LHCGR: variants seen among roughly 807,000 people sequenced by gnomAD.
LHCGR encodes luteinizing hormone/choriogonadotropin receptor.
A neutral mutation model predicts 60.7 loss-of-function variants in LHCGR; 55 were observed. That is an observed-to-expected ratio of 0.91 (90% confidence interval 0.73 to 1.13). The LOEUF (loss-of-function observed/expected upper bound fraction) is 1.13, where lower values mean the gene tolerates loss of function less well. Ranked by LOEUF, LHCGR falls within the 50% of genes most tolerant of loss-of-function variation. The probability of loss-of-function intolerance (pLI) is 0.00; values close to 1 mark genes in which losing one functional copy is unlikely to be tolerated. For missense variants in LHCGR, 862 were observed against 836.0 expected (o/e 1.03, Z -0.38); for synonymous variants, 337 against 316.5 (o/e 1.06, Z -0.69).
At chr2:48,745,569 C>T (rs1380527051) in intron 1 of LHCGR, among the ~76,000 whole-genome samples, 1 of 151,840 alleles carries the variant, frequency 6.6e-6, no homozygotes, top group Non-Finnish European at 1.5e-5. Flanking sequence ...AATTGGAAAT[C>T]ATCATTCTCA....
intron 8 of LHCGR, among the ~76,000 whole-genome samples, chr2:48,707,602 G>A (rs1667755608): frequency 6.6e-6 from 1 of 152,260 alleles, no homozygotes; most frequent in South Asian, 2.1e-4. Flanking sequence ...CACAGAGGTG[G>A]AATTTAGAGA....
intron 1 of LHCGR, among the ~76,000 whole-genome samples, chr2:48,738,220 C>T (rs1669284695): frequency 1.3e-5 from 2 of 152,158 alleles, no homozygotes; most frequent in Admixed American, 1.3e-4. Flanking sequence ...CACTTAATTA[C>T]TACACTATTT....
chr2:48,745,781 G>T (rs1000494487), intron 1 of LHCGR, among the ~76,000 whole-genome samples: 10 of 151,390 alleles, frequency 6.6e-5, no homozygotes, highest in Admixed American at 1.3e-4. Context: ...CACCAGCATG[G>T]CACATGTATA....
intron 8 of LHCGR, among the ~76,000 whole-genome samples, chr2:48,704,589 G>T (rs2104407714): frequency 6.6e-6 from 1 of 152,286 alleles, no homozygotes; most frequent in South Asian, 2.1e-4. Flanking sequence ...TCTATTCAGA[G>T]ATTTGACTTC....
At position 48,689,868 on chromosome 2, in the gene LHCGR, C is replaced by T. The variant is rs575455857; in HGVS notation, c.948-1019G>A. Among the ~76,000 whole-genome samples the T allele has an allele frequency of 3.3e-5, 5 of 152,272 alleles. No homozygotes were observed. In the East Asian group the frequency reaches 7.8e-4, roughly 24 times the overall value. On this transcript the variant is annotated intron_variant, in intron 10 of 10. Transcript: ENST00000294954. ...TAGCTGGGACTACAGGCGCATGCCA[C>T]CGCACCCAGCTAATTTTTTGCATTT... is the stretch of plus-strand genomic sequence containing the variant.
At chr2:48,729,089 A>G in intron 3 of LHCGR, 64 bp downstream of exon 3, 1 of 1,220,112 alleles carries the variant, frequency 8.2e-7, no homozygotes, top group East Asian at 2.3e-5. Context: ...ACAAATACCA[A>G]GTGGGCTCCA....
In LHCGR at chr2:48,731,213, A is replaced by G. The variant is rs758708866; in HGVS notation, c.233+14T>C. 7.1e-6 allele frequency: 11 copies of G among 1,552,192 alleles called. No homozygotes were observed. Among genetic ancestry groups the G allele is most frequent in the Non-Finnish European group, 6.2e-6 (7 of 1,124,716 alleles). On this transcript the variant is annotated intron_variant, in intron 2 of 10. Coordinates refer to ENST00000294954, the MANE Select transcript of LHCGR (RefSeq NM_000233.4). ...CAATTACGAATGTCTTTTGATATGC[A>G]GTAACTTACTTACATTTTTATGACC...
chr2:48,694,183 C>A, intron 10 of LHCGR, 41 bp downstream of exon 10: 1 of 1,163,032 alleles, frequency 8.6e-7, no homozygotes, highest in Non-Finnish European at 1.3e-6. Flanking sequence ...GCACACAGAA[C>A]AAGATACGAC....
chr2:48,690,158 C>T (rs73928208), intron 10 of LHCGR, among the ~76,000 whole-genome samples: 6,504 of 152,280 alleles, frequency 0.043, 471 homozygotes, highest in African/African-American at 0.15. Flanking sequence ...TTATCGAATT[C>T]AAACCTGCCC....
chr2:48,747,916 T>C (rs1342653166), intron 1 of LHCGR, among the ~76,000 whole-genome samples: 33 of 152,176 alleles, frequency 2.2e-4, no homozygotes, highest in Non-Finnish European at 8.8e-5. Flanking sequence ...TGTTGCTCAG[T>C]GAGAGGACCG....
chr2:48,733,056 A>G, intron 1 of LHCGR: 1 of 503,592 alleles, frequency 2.0e-6, no homozygotes, highest in South Asian at 1.5e-5. Context: ...ACACAGTTTT[A>G]TTGCTCTCTG....
chr2:48,739,752 T>G (rs898066808), intron 1 of LHCGR, among the ~76,000 whole-genome samples: 7 of 152,072 alleles, frequency 4.6e-5, no homozygotes, highest in African/African-American at 1.7e-4. Context: ...ACATGGCACA[T>G]GTATACATAT....
At position 48,694,273 on chromosome 2, in the gene LHCGR, A is replaced by G. The variant is rs1667009067; in HGVS notation, c.898T>C (p.Phe300Leu). ...QNFSHSISEN[F>L]SKQCESTVRK... ...ACTGTGCTTTCACATTGTTTGGAAA[A>G]GTTTTCAGAAATGGAATGTGAAAAA... The change falls in exon 10 of 11, where the codon TTT (phenylalanine) becomes CTT (leucine). Residue 300 changes from phenylalanine (F) to leucine (L), a missense_variant. By Grantham distance (22) the Phe-to-Leu change is conservative. Transcript: ENST00000294954. 3 of 1,601,402 alleles carry G rather than the reference A, an allele frequency of 1.9e-6. No individual in the cohort carries two copies. The highest frequency in any genetic ancestry group is 2.7e-5 in the African/African-American group (2 of 74,808).
rs756207314 is a variant in LHCGR at position 48,688,594 on chromosome 2, G to C, written c.1203C>G (p.Leu401=). 6.2e-7 allele frequency: 1 copy of C among 1,614,170 alleles called. No individual in the cohort carries two copies. The highest frequency in any genetic ancestry group is 2.2e-5 in the East Asian group (1 of 44,892). Residue 401 remains leucine (L), a synonymous_variant, in exon 11 of 11, where the codon CTC becomes CTG. Coordinates refer to ENST00000294954, the MANE Select transcript of LHCGR (RefSeq NM_000233.4). The surrounding 1 kb of genome is among the most constrained non-coding windows in gnomAD (Gnocchi z 5.2). Reference sequence around the variant, plus strand: ...GCCCCATGCAAAAGTCTGCAAAGGAGAGATTGCACATGAGAAAACGAGGCA... The same window carrying C: ...GCCCCATGCAAAAGTCTGCAAAGGACAGATTGCACATGAGAAAACGAGGCA... ...LTVPRFLMCN[L]SFADFCMGLY... is the part of the protein sequence containing the mutation.
rs1679943057 is a variant in LHCGR, at chr2:48,687,338, T to C, written c.*359A>G. On this transcript the variant is annotated 3_prime_UTR_variant, in exon 11 of 11. Coordinates refer to ENST00000294954, the MANE Select transcript of LHCGR (RefSeq NM_000233.4). ...GGCCAGTTATTTTAAATTTCTGATC[T>C]GTTATGAACTAATATTTTTATAGAA... The C allele has an allele frequency of 5.2e-6, 1 of 193,140 alleles. No individual in the cohort carries two copies. Among genetic ancestry groups the C allele is most frequent in the Non-Finnish European group, 1.1e-5 (1 of 93,284 alleles). The allele number at this position is 193,140 out of a possible 1,614,324, so 12.0% of individuals were successfully genotyped here.
At chr2:48,739,832 A>G (rs1669357306) in intron 1 of LHCGR, among the ~76,000 whole-genome samples, 1 of 152,144 alleles carries the variant, frequency 6.6e-6, no homozygotes, top group South Asian at 2.1e-4. Context: ...AGGTCCGACA[A>G]TTTGAGAAAG....
At chr2:48,689,086 C>T (rs890972125) in intron 10 of LHCGR, among the ~76,000 whole-genome samples, 9 of 151,512 alleles carry the variant, frequency 5.9e-5, no homozygotes, top group South Asian at 2.1e-4. Flanking sequence ...CATATATACA[C>T]ACATATATAT....
rs748682930 is a variant in LHCGR, at chr2:48,725,758, G to A, written c.309-8C>T. The A allele has an allele frequency of 9.4e-6, 15 of 1,602,530 alleles. No individual in the cohort carries two copies. The highest frequency in any genetic ancestry group is 1.3e-5 in the African/African-American group (1 of 74,610). ...TTGGTGTTCTGGATCAGTCTGTAAAGAGAGAGGGAAAAAAAAAGCTGCTGT... is the reference window on the plus strand; with the variant it reads ...TTGGTGTTCTGGATCAGTCTGTAAAAAGAGAGGGAAAAAAAAAGCTGCTGT... On this transcript the variant is annotated splice_region_variant and splice_polypyrimidine_tract_variant and intron_variant, in intron 3 of 10. Coordinates refer to ENST00000294954, the MANE Select transcript of LHCGR (RefSeq NM_000233.4).
chr2:48,723,473 A>T lies in LHCGR; in HGVS notation c.519T>A (p.Asn173Lys). The T allele has an allele frequency of 6.2e-7, 1 of 1,610,440 alleles. No individual in the cohort carries two copies. Among genetic ancestry groups the T allele is most frequent in the Non-Finnish European group, 8.5e-7 (1 of 1,176,652 alleles). The change falls in exon 6 of 11, where the codon AAT (asparagine) becomes AAA (lysine). Residue 173 changes from asparagine (N) to lysine (K), a missense_variant. By Grantham distance (94) the Asn-to-Lys change is moderately conservative. Coordinates refer to ENST00000294954, the MANE Select transcript of LHCGR (RefSeq NM_000233.4). ...TIPGNAFQGMNNESVTLKLYG... is the reference protein window; with the variant it reads ...TIPGNAFQGMKNESVTLKLYG... The stretch of plus-strand genomic sequence containing the variant: ...TTACTCACAGTGTTACAGATTCATT[A>T]TTCATCCCTTGAAAAGCATTTCCTG...
Sources: gnomAD v4.1 joint callset for allele counts (sites outside exome capture counted in the v4.1 genomes callset) on GRCh38, gnomAD v4.1.1 for gene constraint, Gnocchi (gnomAD v3.1) non-coding constraint, MANE v1.5 for transcripts, NCBI Gene and HGNC (gene_info 2026-07-23, HGNC 2026-07-21) for gene names.